The following DOCK1 variants were observed in gnomAD, a reference collection of about 807,000 sequenced individuals.
The protein encoded by DOCK1 is dedicator of cytokinesis protein 1.
In DOCK1, 138 loss-of-function variants were observed where a neutral mutation model predicts 262.7. The observed-to-expected ratio is 0.53, with a 90% CI of 0.46 to 0.61. DOCK1 has a LOEUF of 0.61. DOCK1 is among the 20% of genes least tolerant of loss of function. DOCK1 has a pLI of 0.00. For missense variants in DOCK1, 1,908 were observed against 2,370.7 expected, an observed-to-expected ratio of 0.80 and a Z score of 4.05; for synonymous variants, 866 against 867.4, an observed-to-expected ratio of 1.00 and a Z score of 0.03.
At chr10:127,028,445 T>A (rs1159737525) in intron 16 of DOCK1, among the ~76,000 whole-genome samples, 1 of 152,206 alleles carries the variant, frequency 6.6e-6, no homozygotes, top group African/African-American at 2.4e-5. Context: ...TCCCATGTGG[T>A]ATCAGTATTA....
intron 27 of DOCK1, chr10:127,196,218 C>G (rs2057132367): frequency 6.7e-6 from 1 of 149,234 alleles, no homozygotes; most frequent in Non-Finnish European, 1.5e-5. Flanking sequence ...CCTGCTGGCC[C>G]GGCCGGCCCC....
chr10:127,156,050 G>T (rs1423966965), intron 27 of DOCK1, among the ~76,000 whole-genome samples: 1 of 152,128 alleles, frequency 6.6e-6, no homozygotes, highest in African/African-American at 2.4e-5. Flanking sequence ...GCGAAACCAG[G>T]GATATTTACA....
At chr10:127,039,760 T>C (rs2135600682) in intron 19 of DOCK1, among the ~76,000 whole-genome samples, 1 of 152,208 alleles carries the variant, frequency 6.6e-6, no homozygotes, top group East Asian at 1.9e-4. Flanking sequence ...TTCCATTTAT[T>C]CAGGACCTCC....
rs1056572502 is a variant in DOCK1 at position 127,071,035 on chromosome 10, C to T, written c.2445+9259C>T. On this transcript the variant is annotated intron_variant, in intron 23 of 51. Coordinates refer to ENST00000623213, the MANE Select transcript of DOCK1 (RefSeq NM_001290223.2). Reference sequence around the variant, plus strand: ...ATTTTGATTTGATAAGTTTGCCCTACACACAGATGATGACACACTTGCAAG... The same window carrying T: ...ATTTTGATTTGATAAGTTTGCCCTATACACAGATGATGACACACTTGCAAG... 3.3e-5 allele frequency among the ~76,000 whole-genome samples: 5 copies of T among 152,068 alleles called. No individual in the cohort carries two copies. The East Asian group carries it at 5.8e-4, about 18-fold the overall frequency.
chr10:127,406,490 C>T (rs967255726), intron 40 of DOCK1, among the ~76,000 whole-genome samples: 4 of 152,218 alleles, frequency 2.6e-5, no homozygotes, highest in Non-Finnish European at 5.9e-5. Context: ...ATATATTTAT[C>T]ACACTTCACA....
chr10:127,022,134 GT>G (rs912569056), intron 13 of DOCK1, among the ~76,000 whole-genome samples: 5 of 151,440 alleles, frequency 3.3e-5, no homozygotes, highest in South Asian at 2.1e-4. Context: ...CATTTCTTGC[GT>G]TTTTTTTACC....
At chr10:126,954,378 C>T (rs1591435556) in intron 1 of DOCK1, among the ~76,000 whole-genome samples, 2 of 152,348 alleles carry the variant, frequency 1.3e-5, no homozygotes, top group South Asian at 2.1e-4. Flanking sequence ...GTCCTGGGCT[C>T]TGCTGTCACA....
chr10:127,448,425 C>T (rs1488504299), intron 51 of DOCK1, among the ~76,000 whole-genome samples: 1 of 152,218 alleles, frequency 6.6e-6, no homozygotes, highest in Admixed American at 6.5e-5. Context: ...AGATCCACCC[C>T]GTTCCTCTCC....
intron 1 of DOCK1, among the ~76,000 whole-genome samples, chr10:126,965,669 G>GT (rs2037618872): frequency 1.3e-5 from 2 of 152,072 alleles, no homozygotes; most frequent in South Asian, 4.1e-4. Context: ...GGCTTACTAT[G>GT]TTTTTTCTCA....
chr10:126,905,650 C>T (rs1322470759), intron 1 of DOCK1, 87 bp downstream of exon 1: 1 of 201,490 alleles, frequency 5.0e-6, no homozygotes. Context: ...GCCGCCGCCC[C>T]GAGCGGCCGC....
At chr10:127,103,305 C>T (rs1196205354) in intron 23 of DOCK1, among the ~76,000 whole-genome samples, 1 of 152,194 alleles carries the variant, frequency 6.6e-6, no homozygotes, top group Non-Finnish European at 1.5e-5. Context: ...TGTGCTGCGA[C>T]TCTGGGTTGC....
intron 27 of DOCK1, among the ~76,000 whole-genome samples, chr10:127,181,616 A>G (rs550074881): frequency 4.6e-5 from 7 of 152,308 alleles, no homozygotes; most frequent in Admixed American, 2.6e-4. Context: ...CTTGGAGTCA[A>G]AGATGCTGGT....
At chr10:127,345,434 C>T (rs1381476130) in intron 31 of DOCK1, among the ~76,000 whole-genome samples, 1 of 152,292 alleles carries the variant, frequency 6.6e-6, no homozygotes, top group Non-Finnish European at 1.5e-5. Flanking sequence ...GATTCAGGGC[C>T]CACGATTTTC....
intron 27 of DOCK1, among the ~76,000 whole-genome samples, chr10:127,131,809 G>T (rs900016108): frequency 6.6e-6 from 1 of 152,166 alleles, no homozygotes; most frequent in African/African-American, 2.4e-5. Flanking sequence ...GTTTTGGGTA[G>T]GCTGTTCCAT....
intron 16 of DOCK1, among the ~76,000 whole-genome samples, chr10:127,027,183 C>A (rs983696724): frequency 1.3e-5 from 2 of 152,226 alleles, no homozygotes; most frequent in African/African-American, 4.8e-5. Flanking sequence ...GGAGGGCAGA[C>A]CGCCCTTTGT....
chr10:127,085,714 CGCCACTGCACTCCA>C (rs1843345925), intron 23 of DOCK1, among the ~76,000 whole-genome samples: 1 of 151,884 alleles, frequency 6.6e-6, no homozygotes, highest in East Asian at 1.9e-4. Context: ...GCCGAGATTG[CGCCACTGCACTCCA>C]GCCTGGCAAC....
intron 6 of DOCK1, among the ~76,000 whole-genome samples, chr10:126,992,776 A>T (rs1251424474): frequency 7.4e-6 from 1 of 135,590 alleles, no homozygotes; most frequent in Admixed American, 8.1e-5. Context: ...ACAGACACAG[A>T]CACACACACA....
intron 33 of DOCK1, among the ~76,000 whole-genome samples, chr10:127,368,607 G>T (rs114816237): frequency 0.019 from 2,901 of 152,178 alleles, 79 homozygotes; most frequent in African/African-American, 0.064. Context: ...TGATAAGCTG[G>T]CAGGGGAAAT....
intron 44 of DOCK1, among the ~76,000 whole-genome samples, chr10:127,417,179 C>T (rs1374593656): frequency 6.6e-6 from 1 of 152,234 alleles, no homozygotes. Flanking sequence ...GGGGGCCCAT[C>T]ACGCTTCCTT....
Sources: gnomAD v4.1 joint callset for allele counts (sites outside exome capture counted in the v4.1 genomes callset) on GRCh38, gnomAD v4.1.1 for gene constraint, MANE v1.5 for transcripts, NCBI Gene and HGNC (gene_info 2026-07-23, HGNC 2026-07-21) for gene names.